The following AFG2A variants were observed in gnomAD, a reference collection of about 807,000 sequenced individuals.
The protein encoded by AFG2A is ATPase family gene 2 protein homolog A.
chr4:123,015,391 C>T, the AFG2A span, among the ~76,000 whole-genome samples: 4 of 152,022 alleles, frequency 2.6e-5, no homozygotes, highest in African/African-American at 4.8e-5. Context: ...TGACTCTTAA[C>T]GAGCATGCTG....
chr4:123,118,325 A>ATATAATTATATTATG, the AFG2A span, among the ~76,000 whole-genome samples: 2 of 94,660 alleles, frequency 2.1e-5, no homozygotes, highest in Non-Finnish European at 4.7e-5. Flanking sequence ...TATATATTAT[A>ATATAATTATATTATG]TATAATATAT....
chr4:123,039,581 A>T, the AFG2A span, among the ~76,000 whole-genome samples: 1 of 152,062 alleles, frequency 6.6e-6, no homozygotes, highest in African/African-American at 2.4e-5. Context: ...ATGTAAATGA[A>T]AAGTACTAGT....
the AFG2A span, among the ~76,000 whole-genome samples, chr4:123,059,577 A>G: frequency 6.6e-6 from 1 of 151,652 alleles, no homozygotes; most frequent in Non-Finnish European, 1.5e-5. Flanking sequence ...GGTTGGTTCC[A>G]AGTCTTTGCT....
the AFG2A span, among the ~76,000 whole-genome samples, chr4:122,994,509 C>T: frequency 6.6e-6 from 1 of 152,026 alleles, no homozygotes; most frequent in Non-Finnish European, 1.5e-5. Context: ...GCATCTAAAC[C>T]TGCCTCTCCT....
chr4:123,295,861 A>G, the AFG2A span, among the ~76,000 whole-genome samples: 1 of 152,252 alleles, frequency 6.6e-6, no homozygotes. Flanking sequence ...GCAGTGAGCC[A>G]GCATCACACC....
the AFG2A span, among the ~76,000 whole-genome samples, chr4:123,224,926 C>T: frequency 6.6e-6 from 1 of 152,156 alleles, no homozygotes; most frequent in African/African-American, 2.4e-5. Context: ...GATGGTATCT[C>T]ATTGTGGTTT....
At chr4:123,004,814 AT>A in the AFG2A span, among the ~76,000 whole-genome samples, 237 of 152,166 alleles carry the variant, frequency 1.6e-3, 2 homozygotes, top group African/African-American at 5.5e-3. Flanking sequence ...TTTTTCCCTT[AT>A]ATGTTCTCCA....
chr4:123,161,484 A>T, the AFG2A span, among the ~76,000 whole-genome samples: 1 of 152,176 alleles, frequency 6.6e-6, no homozygotes, highest in Non-Finnish European at 1.5e-5. Context: ...ATAGGTAGTT[A>T]TTCCATATGG....
At chr4:123,236,309 T>C in the AFG2A span, among the ~76,000 whole-genome samples, 1 of 152,214 alleles carries the variant, frequency 6.6e-6, no homozygotes, top group Non-Finnish European at 1.5e-5. Flanking sequence ...CATTGCAGTT[T>C]ATGATAAGCT....
chr4:123,276,487 T>A, the AFG2A span, among the ~76,000 whole-genome samples: 2 of 152,204 alleles, frequency 1.3e-5, no homozygotes, highest in Non-Finnish European at 2.9e-5. Context: ...TTAGTTTAAT[T>A]AAGTCCCATT....
the AFG2A span, among the ~76,000 whole-genome samples, chr4:123,065,858 G>A: frequency 6.6e-6 from 1 of 152,194 alleles, no homozygotes; most frequent in African/African-American, 2.4e-5. Flanking sequence ...TTGTTGTTTA[G>A]GAGATAGGGA....
chr4:123,045,899 C>T, the AFG2A span, among the ~76,000 whole-genome samples: 3 of 151,866 alleles, frequency 2.0e-5, no homozygotes, highest in African/African-American at 4.8e-5. Flanking sequence ...AGTTTGAGAC[C>T]AGCCTGGCCA....
At chr4:123,150,522 T>C in the AFG2A span, among the ~76,000 whole-genome samples, 1 of 152,148 alleles carries the variant, frequency 6.6e-6, no homozygotes, top group Non-Finnish European at 1.5e-5. Flanking sequence ...CCATTCACAA[T>C]TGCTAAAAAG....
the AFG2A span, among the ~76,000 whole-genome samples, chr4:123,286,860 A>T: frequency 1.4e-5 from 2 of 141,184 alleles, no homozygotes; most frequent in East Asian, 2.0e-4. Flanking sequence ...AAAGGCCTTT[A>T]AAAAAAAAAA....
the AFG2A span, among the ~76,000 whole-genome samples, chr4:123,111,036 A>G: frequency 6.6e-6 from 1 of 152,232 alleles, no homozygotes; most frequent in Non-Finnish European, 1.5e-5. Flanking sequence ...ATAACATAGT[A>G]TGCTTCTGAA....
chr4:122,927,121 A>G, the AFG2A span, among the ~76,000 whole-genome samples: 1 of 152,160 alleles, frequency 6.6e-6, no homozygotes, highest in African/African-American at 2.4e-5. Context: ...AGTTGAAATC[A>G]CTAGTGGTGT....
At chr4:123,139,086 A>T in the AFG2A span, among the ~76,000 whole-genome samples, 1 of 152,118 alleles carries the variant, frequency 6.6e-6, no homozygotes, top group Admixed American at 6.5e-5. Context: ...CTTTGATTAT[A>T]TTATAGCTTT....
chr4:123,086,779 CA>C, the AFG2A span, among the ~76,000 whole-genome samples: 2 of 152,156 alleles, frequency 1.3e-5, no homozygotes, highest in African/African-American at 2.4e-5. Flanking sequence ...TTTGTATATA[CA>C]TATCCGTAAG....
At chr4:123,310,896 A>T in the AFG2A span, among the ~76,000 whole-genome samples, 1 of 152,236 alleles carries the variant, frequency 6.6e-6, no homozygotes, top group African/African-American at 2.4e-5. Context: ...ATGTTTATTG[A>T]AGCAAGTGTT....
Sources: gnomAD v4.1 joint callset for allele counts (sites outside exome capture counted in the v4.1 genomes callset) on GRCh38, gnomAD v4.1.1 for gene constraint, MANE v1.5 for transcripts, NCBI Gene and HGNC (gene_info 2026-07-23, HGNC 2026-07-21) for gene names.